Variants in IKZF3 observed in about 807,000 individuals in gnomAD.
IKZF3 encodes zinc finger protein Aiolos.
Under a neutral mutation model 49.0 loss-of-function variants are expected in IKZF3, and 10 were observed. The ratio of observed to expected loss-of-function variants is 0.20; its 90% CI spans 0.13 to 0.35. The LOEUF is 0.35. Among genes scored for constraint, IKZF3 ranks in the 10% least tolerant of loss-of-function variants. IKZF3 has a pLI of 1.00. For missense variants in IKZF3, 498 were observed against 664.8 expected, an observed-to-expected ratio of 0.75 and a Z score of 2.76; for synonymous variants, 209 against 228.2, an observed-to-expected ratio of 0.92 and a Z score of 0.76.
chr17:39,862,497 C>T (rs1056868623), intron 1 of IKZF3, among the ~76,000 whole-genome samples: 10 of 152,058 alleles, frequency 6.6e-5, no homozygotes, highest in African/African-American at 9.7e-5. Context: ...CCAGATTAGT[C>T]TATTTTGGGT....
At chr17:39,789,052 C>T (rs2060943963) in intron 5 of IKZF3, among the ~76,000 whole-genome samples, 1 of 152,136 alleles carries the variant, frequency 6.6e-6, no homozygotes, top group African/African-American at 2.4e-5. Context: ...AAGTCTGGGC[C>T]TCCCAAAGGC....
intron 3 of IKZF3, among the ~76,000 whole-genome samples, chr17:39,816,242 T>C (rs1386742323): frequency 6.6e-6 from 1 of 152,234 alleles, no homozygotes; most frequent in Non-Finnish European, 1.5e-5. Context: ...TATACATGCA[T>C]GTGATAAAAA....
intron 3 of IKZF3, among the ~76,000 whole-genome samples, chr17:39,804,847 T>C (rs570462310): frequency 1.3e-5 from 2 of 152,374 alleles, no homozygotes; most frequent in African/African-American, 2.4e-5. Flanking sequence ...ATCTCCTAGA[T>C]GTGAATTATT....
At chr17:39,798,996 C>CGTGTGTGTGTGTGTGTGT (rs10628627) in intron 3 of IKZF3, among the ~76,000 whole-genome samples, 2 of 148,982 alleles carry the variant, frequency 1.3e-5, no homozygotes, top group Non-Finnish European at 3.0e-5. Context: ...TGTGTGTGTG[C>CGTGTGTGTGTGTGTGTGT]GTGTGTGTGT....
chr17:39,769,994 T>C (rs2060396353), intron 7 of IKZF3, among the ~76,000 whole-genome samples: 1 of 152,210 alleles, frequency 6.6e-6, no homozygotes, highest in Admixed American at 6.5e-5. Context: ...TTGTTCATTG[T>C]TAAGGAGATG....
At chr17:39,844,090 C>G (rs764192074) in intron 1 of IKZF3, among the ~76,000 whole-genome samples, 3 of 152,138 alleles carry the variant, frequency 2.0e-5, no homozygotes, top group East Asian at 1.9e-4. Context: ...ACACTTCAGT[C>G]CCCCCTAACA....
intron 3 of IKZF3, among the ~76,000 whole-genome samples, chr17:39,798,602 T>G (rs1698231960): frequency 1.3e-5 from 2 of 150,864 alleles, no homozygotes; most frequent in Admixed American, 6.6e-5. Flanking sequence ...GCCTCCCGGG[T>G]TCATGCCATT....
chr17:39,856,081 G>A (rs972143699), intron 1 of IKZF3, among the ~76,000 whole-genome samples: 5 of 145,704 alleles, frequency 3.4e-5, no homozygotes, highest in African/African-American at 7.9e-5. Flanking sequence ...TATTGTATAT[G>A]TACAATATAA....
At chr17:39,815,029 AT>A (rs887352663) in intron 3 of IKZF3, among the ~76,000 whole-genome samples, 43 of 152,176 alleles carry the variant, frequency 2.8e-4, no homozygotes, top group African/African-American at 1.0e-3. Context: ...ATAGTGGATG[AT>A]GGGGGCTGCT....
In IKZF3 at chr17:39,854,723, G is replaced by C. The variant is rs143290462; in HGVS notation, c.7+9397C>G. Among the ~76,000 whole-genome samples the C allele has an allele frequency of 3.2e-3, 489 of 152,224 alleles. 3 individuals are homozygous for C. Among genetic ancestry groups the C allele is most frequent in the African/African-American group, 0.011 (465 of 41,524 alleles). Reference sequence around the variant, plus strand: ...TTGGGAAGTCAGGAGAAGTTGGTTTGGATTGGAGAGAAAATTAGTTCATTT... The same window carrying C: ...TTGGGAAGTCAGGAGAAGTTGGTTTCGATTGGAGAGAAAATTAGTTCATTT... On this transcript the variant is annotated intron_variant, in intron 1 of 7. Transcript: ENST00000346872.
At chr17:39,838,467 C>A (rs941938967) in intron 1 of IKZF3, among the ~76,000 whole-genome samples, 3 of 152,102 alleles carry the variant, frequency 2.0e-5, no homozygotes, top group South Asian at 2.1e-4. Context: ...CCATTTAGTT[C>A]ATTTTAATTT....
At chr17:39,770,486 C>T (rs1169042797) in intron 7 of IKZF3, among the ~76,000 whole-genome samples, 1 of 152,090 alleles carries the variant, frequency 6.6e-6, no homozygotes, top group Non-Finnish European at 1.5e-5. Context: ...ACCACCTGAC[C>T]TGAACTGATG....
At chr17:39,802,261 T>A (rs983270798) in intron 3 of IKZF3, among the ~76,000 whole-genome samples, 1 of 146,168 alleles carries the variant, frequency 6.8e-6, no homozygotes, top group African/African-American at 2.5e-5. Context: ...GATGAAATAC[T>A]GATATCTCAA....
At position 39,858,125 on chromosome 17, in the gene IKZF3, G is replaced by A. The variant is rs562599991; in HGVS notation, c.7+5995C>T. On this transcript the variant is annotated intron_variant, in intron 1 of 7. Transcript: ENST00000346872. ...ATAATAGTTTTGTTCTGTTTCATGAGTGACAGTATTGAAATGTTTTCCATT... is the reference window on the plus strand; with the variant it reads ...ATAATAGTTTTGTTCTGTTTCATGAATGACAGTATTGAAATGTTTTCCATT... 1.4e-4 allele frequency among the ~76,000 whole-genome samples: 21 copies of A among 152,184 alleles called. No individual in the cohort carries two copies. In the South Asian group the frequency reaches 3.7e-3, roughly 27 times the overall value.
At chr17:39,800,760 G>A (rs2061297512) in intron 3 of IKZF3, among the ~76,000 whole-genome samples, 1 of 152,146 alleles carries the variant, frequency 6.6e-6, no homozygotes, top group Non-Finnish European at 1.5e-5. Context: ...GTTATCACAT[G>A]AAAGGCTTGT....
rs753733359 is a variant in IKZF3 at position 39,765,832 on chromosome 17, C to T, written c.1488G>A (p.Ser496=). Reference sequence around the variant, plus strand: ...TGTGTTCTCCTCTGGCTATGTGAGACGAGAACTCATACCGATCATGGCTTC... The same window carrying T: ...TGTGTTCTCCTCTGGCTATGTGAGATGAGAACTCATACCGATCATGGCTTC... ...GYRSHDRYEF[S]SHIARGEHRA... The change falls in exon 8 of 8, where the codon TCG becomes TCA. Residue 496 remains serine (S), a synonymous_variant. Transcript: ENST00000346872. 1.8e-5 allele frequency: 29 copies of T among 1,612,950 alleles called. No individual in the cohort carries two copies. The highest frequency in any genetic ancestry group is 1.7e-4 in the Middle Eastern group (1 of 6,060).
intron 1 of IKZF3, among the ~76,000 whole-genome samples, chr17:39,849,754 A>G (rs1407116198): frequency 6.6e-6 from 1 of 152,134 alleles, no homozygotes; most frequent in East Asian, 1.9e-4. Context: ...ATAAGAAAAG[A>G]CACTCAATGT....
intron 7 of IKZF3, among the ~76,000 whole-genome samples, chr17:39,769,506 T>A: frequency 6.6e-6 from 1 of 152,164 alleles, no homozygotes; most frequent in South Asian, 2.1e-4. Context: ...GCCAAAGTAA[T>A]CAATGTTTTT....
chr17:39,771,550 A>G (rs548335189), intron 7 of IKZF3, among the ~76,000 whole-genome samples: 2 of 152,338 alleles, frequency 1.3e-5, no homozygotes, highest in African/African-American at 4.8e-5. Flanking sequence ...CAAATATGCC[A>G]CACTTAATAT....
Sources: allele counts gnomAD v4.1 joint callset (sites outside exome capture counted in the v4.1 genomes callset), GRCh38; gene constraint gnomAD v4.1.1; transcripts MANE v1.5; gene names NCBI Gene and HGNC (gene_info 2026-07-23, HGNC 2026-07-21).